SIPA1L1: variants seen among roughly 807,000 people sequenced by gnomAD.
SIPA1L1 encodes the protein signal-induced proliferation-associated 1-like protein 1.
Under a neutral mutation model 162.7 loss-of-function variants are expected in SIPA1L1, and 26 were observed. The observed-to-expected ratio is 0.16, with a 90% CI of 0.12 to 0.22. The LOEUF (loss-of-function observed/expected upper bound fraction) is 0.22, where lower values mean the gene tolerates loss of function less well. SIPA1L1 is among the 10% of genes least tolerant of loss of function. The pLI, the probability that SIPA1L1 is intolerant of heterozygous loss-of-function variation, is 1.00. For synonymous variants in SIPA1L1, 829 were observed against 837.4 expected (o/e 0.99, Z 0.17); for missense variants, 1,874 against 2,241.0 (o/e 0.84, Z 3.31).
intron 2 of SIPA1L1, among the ~76,000 whole-genome samples, chr14:71,390,513 C>T (rs1256226641): frequency 6.6e-6 from 1 of 152,074 alleles, no homozygotes. Flanking sequence ...TTTAAAACAG[C>T]ATTCATAATC....
Position 71,395,045 on chromosome 14 carries a change from C to T in SIPA1L1, c.-465+73864C>T, listed in dbSNP as rs949219026. ...AAAGGCATAATTATAGCCAAATGTGCAGTTATTTTGGTCTCTTAGTTTGGA... is the reference window on the plus strand; with the variant it reads ...AAAGGCATAATTATAGCCAAATGTGTAGTTATTTTGGTCTCTTAGTTTGGA... On this transcript the variant is annotated intron_variant, in intron 2 of 23. Transcript: ENST00000381232. 2.6e-5 allele frequency among the ~76,000 whole-genome samples: 4 copies of T among 152,064 alleles called. No homozygotes were observed. In the East Asian group the frequency reaches 5.8e-4, roughly 22 times the overall value.
intron 2 of SIPA1L1, among the ~76,000 whole-genome samples, chr14:71,508,207 G>A (rs1242338893): frequency 6.6e-6 from 1 of 152,144 alleles, no homozygotes; most frequent in African/African-American, 2.4e-5. Context: ...TTTAAAAAAT[G>A]GAATTGAATT....
chr14:71,731,060 G>A (rs1386190692), intron 20 of SIPA1L1, among the ~76,000 whole-genome samples: 1 of 152,146 alleles, frequency 6.6e-6, no homozygotes, highest in Non-Finnish European at 1.5e-5. Flanking sequence ...ATGCACTGCT[G>A]TCACCCTTCC....
intron 4 of SIPA1L1, among the ~76,000 whole-genome samples, chr14:71,575,799 C>A (rs2032928826): frequency 6.6e-6 from 1 of 152,088 alleles, no homozygotes; most frequent in Non-Finnish European, 1.5e-5. Context: ...GTTTTTCATG[C>A]TCCTTTGATG....
At chr14:71,613,840 A>T (rs949394494) in intron 5 of SIPA1L1, among the ~76,000 whole-genome samples, 1 of 150,556 alleles carries the variant, frequency 6.6e-6, no homozygotes, top group African/African-American at 2.4e-5. Context: ...GCAAGTGTAG[A>T]CATACTGCCC....
At chr14:71,525,343 C>T (rs1014387164) in intron 3 of SIPA1L1, among the ~76,000 whole-genome samples, 6 of 152,094 alleles carry the variant, frequency 3.9e-5, no homozygotes, top group East Asian at 3.9e-4. Context: ...CCACCACACC[C>T]GGCTAATTTT....
chr14:71,326,895 A>G (rs1299241900), intron 2 of SIPA1L1, among the ~76,000 whole-genome samples: 3 of 148,354 alleles, frequency 2.0e-5, no homozygotes, highest in African/African-American at 7.5e-5. Context: ...TTTTTTTAGT[A>G]AAGACAGGGT....
intron 2 of SIPA1L1, among the ~76,000 whole-genome samples, chr14:71,367,247 C>T (rs1314968353): frequency 6.6e-6 from 1 of 150,500 alleles, no homozygotes; most frequent in Non-Finnish European, 1.5e-5. Context: ...ATTGGATGGA[C>T]GTTTAGCCTG....
chr14:71,325,355 T>G (rs2033670572), intron 2 of SIPA1L1, among the ~76,000 whole-genome samples: 2 of 152,340 alleles, frequency 1.3e-5, no homozygotes, highest in Admixed American at 6.5e-5. Context: ...GCTCATTTAT[T>G]TTTATTCAGT....
rs34849312 is a variant in SIPA1L1 at position 71,378,107 on chromosome 14, C to CT, written c.-465+56937dup. Among the ~76,000 whole-genome samples the CT allele has an allele frequency of 8.1e-4, 119 of 146,144 alleles. 1 individual carries two copies. The highest frequency in any genetic ancestry group is 1.8e-3 in the East Asian group (9 of 4,978). ...CTGATACTAATGATTTGTGTTTTGT[C>CT]TTTTTTTTTTTGATCACTCTAACTA... On this transcript the variant is annotated intron_variant, in intron 2 of 23. Transcript: ENST00000381232.
intron 2 of SIPA1L1, among the ~76,000 whole-genome samples, chr14:71,476,654 TTTATTTATTTATTTA>T (rs1408557315): frequency 1.4e-5 from 1 of 70,120 alleles, no homozygotes; most frequent in Non-Finnish European, 4.0e-5. Context: ...GTTCGTTTTA[TTTATTTATTTATTTA>T]TTTATTTATT....
intron 2 of SIPA1L1, among the ~76,000 whole-genome samples, chr14:71,370,241 A>G (rs1039943105): frequency 2.0e-5 from 3 of 150,722 alleles, no homozygotes; most frequent in Non-Finnish European, 3.0e-5. Context: ...GTCTTGTGCC[A>G]GTTTTCAAAG....
At chr14:71,666,655 C>T (rs1358559938) in intron 10 of SIPA1L1, among the ~76,000 whole-genome samples, 3 of 152,050 alleles carry the variant, frequency 2.0e-5, no homozygotes, top group Non-Finnish European at 4.4e-5. Flanking sequence ...AGAGAGGTTT[C>T]CATACCCGGT....
intron 2 of SIPA1L1, among the ~76,000 whole-genome samples, chr14:71,408,656 C>T (rs1050068025): frequency 1.3e-5 from 2 of 152,058 alleles, no homozygotes; most frequent in Non-Finnish European, 2.9e-5. Context: ...AGATTTTTTT[C>T]CCCCCTGGTT....
At chr14:71,396,020 T>G (rs2141431306) in intron 2 of SIPA1L1, among the ~76,000 whole-genome samples, 1 of 152,308 alleles carries the variant, frequency 6.6e-6, no homozygotes, top group African/African-American at 2.4e-5. Context: ...TGTGATGTCC[T>G]GTGCTCCTTA....
At chr14:71,600,855 GTTGTAGATGGGATTGCCTTC>G (rs1567285597) in intron 5 of SIPA1L1, among the ~76,000 whole-genome samples, 1 of 151,922 alleles carries the variant, frequency 6.6e-6, no homozygotes, top group African/African-American at 2.4e-5. Context: ...TTTTGTTTCT[GTTGTAGATGGGATTGCCTTC>G]TTGATTTCTT....
At chr14:71,568,542 T>C (rs2031262677) in intron 4 of SIPA1L1, among the ~76,000 whole-genome samples, 1 of 152,114 alleles carries the variant, frequency 6.6e-6, no homozygotes, top group African/African-American at 2.4e-5. Context: ...GCTAGGAAGA[T>C]GTTACTGGAA....
intron 4 of SIPA1L1, among the ~76,000 whole-genome samples, chr14:71,582,134 G>A (rs1264675087): frequency 6.6e-6 from 1 of 152,082 alleles, no homozygotes; most frequent in Non-Finnish European, 1.5e-5. Flanking sequence ...AGGAGTTAAA[G>A]ATCAGCCTGG....
At chr14:71,556,014 T>C (rs2056318571) in intron 4 of SIPA1L1, among the ~76,000 whole-genome samples, 1 of 152,108 alleles carries the variant, frequency 6.6e-6, no homozygotes, top group Non-Finnish European at 1.5e-5. Context: ...ATTACCAAAA[T>C]GTGACACAGA....
Sources: allele counts gnomAD v4.1 joint callset (sites outside exome capture counted in the v4.1 genomes callset), GRCh38; gene constraint gnomAD v4.1.1; transcripts MANE v1.5; gene names NCBI Gene and HGNC (gene_info 2026-07-23, HGNC 2026-07-21).